Variants in CERS6 observed in about 807,000 individuals in gnomAD.
The protein encoded by CERS6 is LAG1 homolog, ceramide synthase 6.
CERS6 carries 26 observed loss-of-function variants against 56.8 expected under a neutral mutation model. That is an observed-to-expected ratio of 0.46 (90% CI 0.34 to 0.63). CERS6 has a LOEUF of 0.63. CERS6 is among the 30% of genes least tolerant of loss of function. The probability of loss-of-function intolerance (pLI) is 0.01; values close to 1 mark genes in which losing one functional copy is unlikely to be tolerated. For missense variants in CERS6, 415 were observed against 467.5 expected (o/e 0.89, Z 1.04); for synonymous variants, 164 against 173.3 (o/e 0.95, Z 0.42).
chr2:168,499,126 C>G (rs1279577957), intron 1 of CERS6, among the ~76,000 whole-genome samples: 1 of 152,138 alleles, frequency 6.6e-6, no homozygotes, highest in Non-Finnish European at 1.5e-5. Flanking sequence ...GCTACCTGCC[C>G]CAGGTCCTGT....
chr2:168,621,059 C>G (rs984650637), intron 3 of CERS6, among the ~76,000 whole-genome samples: 1 of 152,114 alleles, frequency 6.6e-6, no homozygotes, highest in African/African-American at 2.4e-5. Context: ...TTTTTGAAAA[C>G]TTAAGAACTT....
intron 3 of CERS6, among the ~76,000 whole-genome samples, chr2:168,628,806 T>C (rs529792578): frequency 6.6e-6 from 1 of 151,342 alleles, no homozygotes; most frequent in East Asian, 1.9e-4. Flanking sequence ...ATTTTTTACA[T>C]CTAATTTCAT....
intron 3 of CERS6, among the ~76,000 whole-genome samples, chr2:168,569,832 G>A (rs111503959): frequency 8.5e-5 from 13 of 152,242 alleles, no homozygotes; most frequent in Admixed American, 2.6e-4. Flanking sequence ...TCGTAAAATG[G>A]GCACATTAAT....
intron 8 of CERS6, among the ~76,000 whole-genome samples, chr2:168,755,312 A>T (rs769615036): frequency 6.6e-6 from 1 of 152,204 alleles, no homozygotes; most frequent in Non-Finnish European, 1.5e-5. Flanking sequence ...AGAAGGAAAT[A>T]TTACTATGGC....
In CERS6 at chr2:168,737,416, G is replaced by T. The variant is rs370820993; in HGVS notation, c.845+19438G>T. Reference sequence around the variant, plus strand: ...GCGTCCTTTTGAAAATCTGACATTTGCTTTTTTAAAAAGTGCTACCTCTTT... The same window carrying T: ...GCGTCCTTTTGAAAATCTGACATTTTCTTTTTTAAAAAGTGCTACCTCTTT... On this transcript the variant is annotated intron_variant, in intron 8 of 9. Transcript: ENST00000305747. Among the ~76,000 whole-genome samples the T allele has an allele frequency of 1.6e-4, 24 of 152,248 alleles. No homozygotes were observed. In the East Asian group the frequency reaches 3.1e-3, roughly 20 times the overall value.
At chr2:168,523,078 C>A (rs1695010462) in intron 1 of CERS6, among the ~76,000 whole-genome samples, 2 of 152,176 alleles carry the variant, frequency 1.3e-5, no homozygotes, top group Non-Finnish European at 2.9e-5. Flanking sequence ...AACTGATGAT[C>A]TTGTATAACA....
intron 3 of CERS6, among the ~76,000 whole-genome samples, chr2:168,585,312 A>G (rs1211123722): frequency 7.2e-5 from 11 of 152,252 alleles, no homozygotes; most frequent in Admixed American, 7.2e-4. Flanking sequence ...AGCACATATC[A>G]TATGCTGGGC....
intron 4 of CERS6, among the ~76,000 whole-genome samples, chr2:168,680,333 T>C (rs1686180606): frequency 6.6e-6 from 1 of 151,994 alleles, no homozygotes; most frequent in Admixed American, 6.5e-5. Flanking sequence ...CAGCTGAAAA[T>C]AGGGAGGAGG....
chr2:168,556,735 A>G (rs939948406), intron 2 of CERS6, among the ~76,000 whole-genome samples: 1 of 152,160 alleles, frequency 6.6e-6, no homozygotes, highest in Non-Finnish European at 1.5e-5. Context: ...ATATGCTATT[A>G]TATTATTATG....
intron 1 of CERS6, among the ~76,000 whole-genome samples, chr2:168,491,785 C>A (rs1192505572): frequency 2.0e-5 from 3 of 151,206 alleles, no homozygotes; most frequent in Admixed American, 1.3e-4. Flanking sequence ...CCCCTCACCC[C>A]CCAACAGGCC....
intron 1 of CERS6, among the ~76,000 whole-genome samples, chr2:168,500,999 G>T (rs1302929031): frequency 2.6e-5 from 4 of 152,198 alleles, no homozygotes; most frequent in African/African-American, 9.7e-5. Flanking sequence ...ATGGTGGTGG[G>T]TATTTCCCCA....
At chr2:168,469,314 A>C (rs908043186) in intron 1 of CERS6, among the ~76,000 whole-genome samples, 9 of 152,184 alleles carry the variant, frequency 5.9e-5, no homozygotes, top group Admixed American at 1.3e-4. Flanking sequence ...TAGCCATGTA[A>C]ATAATTTAAC....
chr2:168,578,877 C>G (rs1224978749), intron 3 of CERS6, among the ~76,000 whole-genome samples: 1 of 151,990 alleles, frequency 6.6e-6, no homozygotes, highest in Non-Finnish European at 1.5e-5. Context: ...CATTTTTTTC[C>G]TAACATTATT....
At chr2:168,494,785 C>G (rs1694436230) in intron 1 of CERS6, among the ~76,000 whole-genome samples, 1 of 152,118 alleles carries the variant, frequency 6.6e-6, no homozygotes, top group Admixed American at 6.5e-5. Flanking sequence ...ATAGCTTTTT[C>G]ACTTAGCATT....
chr2:168,720,121 G>T lies in CERS6; in HGVS notation c.845+2143G>T, dbSNP rs550743354. ...TTTTTTTTTTTTTTAGTAGAGACGA[G>T]GTTTCACCATGTTGGCCAAGCTGGT... is the stretch of plus-strand genomic sequence containing the variant. On this transcript the variant is annotated intron_variant, in intron 8 of 9. Coordinates refer to ENST00000305747, the MANE Select transcript of CERS6 (RefSeq NM_203463.3). Among the ~76,000 whole-genome samples, 4 of 150,950 alleles carry T rather than the reference G, an allele frequency of 2.6e-5. No individual in the cohort carries two copies. The East Asian group carries it at 7.8e-4, about 29-fold the overall frequency.
intron 4 of CERS6, among the ~76,000 whole-genome samples, chr2:168,667,112 A>C (rs1036688458): frequency 6.6e-6 from 1 of 152,082 alleles, no homozygotes; most frequent in African/African-American, 2.4e-5. Flanking sequence ...TCATTATTTT[A>C]TTTTTTCTTT....
intron 8 of CERS6, among the ~76,000 whole-genome samples, chr2:168,737,304 C>A (rs1683745814): frequency 6.6e-6 from 1 of 152,224 alleles, no homozygotes; most frequent in African/African-American, 2.4e-5. Flanking sequence ...GAGCCACCAA[C>A]AATGGAAAAT....
At chr2:168,763,737 C>T (rs1190602822) in intron 8 of CERS6, among the ~76,000 whole-genome samples, 1 of 152,202 alleles carries the variant, frequency 6.6e-6, no homozygotes, top group East Asian at 1.9e-4. Flanking sequence ...TCCACCTAGC[C>T]TCTCCTGTAG....
At chr2:168,673,347 A>G (rs1685970805) in intron 4 of CERS6, among the ~76,000 whole-genome samples, 1 of 152,026 alleles carries the variant, frequency 6.6e-6, no homozygotes, top group African/African-American at 2.4e-5. Context: ...GTTTAATAAA[A>G]GTGGCTTAAT....
Sources: gnomAD v4.1 joint callset for allele counts (sites outside exome capture counted in the v4.1 genomes callset) on GRCh38, gnomAD v4.1.1 for gene constraint, MANE v1.5 for transcripts, NCBI Gene and HGNC (gene_info 2026-07-23, HGNC 2026-07-21) for gene names.